The following NEK7 variants were observed in gnomAD, a reference collection of about 807,000 sequenced individuals.
NEK7 encodes serine/threonine-protein kinase Nek7.
NEK7 carries 18 observed loss-of-function variants against 44.6 expected under a neutral mutation model. The observed-to-expected ratio is 0.40, with a 90% confidence interval of 0.28 to 0.60. The LOEUF is 0.60. Ranked by LOEUF, NEK7 falls within the 20% of genes least tolerant of loss-of-function variation. NEK7 has a pLI of 0.38. For synonymous variants in NEK7, 130 were observed against 121.1 expected (o/e 1.07, Z -0.48); for missense variants, 256 against 366.5 (o/e 0.70, Z 2.46).
intron 5 of NEK7, among the ~76,000 whole-genome samples, chr1:198,273,075 TA>T (rs2102970564): frequency 6.6e-6 from 1 of 151,960 alleles, no homozygotes; most frequent in African/African-American, 2.4e-5. Context: ...ATTATATTTA[TA>T]TTCTATTATA....
intron 7 of NEK7, among the ~76,000 whole-genome samples, chr1:198,282,810 T>A (rs888039951): frequency 1.3e-5 from 2 of 152,106 alleles, no homozygotes; most frequent in African/African-American, 4.8e-5. Flanking sequence ...TCATACCTGT[T>A]ATATGCAGGT....
At chr1:198,227,145 T>C (rs546241904) in intron 1 of NEK7, among the ~76,000 whole-genome samples, 1 of 152,286 alleles carries the variant, frequency 6.6e-6, no homozygotes, top group Admixed American at 6.5e-5. Context: ...TGCGATAGTT[T>C]GCTGAGAATG....
chr1:198,305,027 C>G (rs552891986), intron 9 of NEK7, among the ~76,000 whole-genome samples: 2 of 151,986 alleles, frequency 1.3e-5, no homozygotes, highest in Non-Finnish European at 2.9e-5. Context: ...TTTATAAAAG[C>G]AACAAAGTAG....
At chr1:198,235,374 C>T (rs1165485452) in intron 2 of NEK7, among the ~76,000 whole-genome samples, 2 of 152,110 alleles carry the variant, frequency 1.3e-5, no homozygotes, top group African/African-American at 2.4e-5. Flanking sequence ...CCTTCCCACC[C>T]TCCCTTCTTT....
At chr1:198,295,643 C>A (rs1654693054) in intron 8 of NEK7, among the ~76,000 whole-genome samples, 1 of 149,928 alleles carries the variant, frequency 6.7e-6, no homozygotes, top group Admixed American at 6.6e-5. Context: ...TTTTAACACT[C>A]TGCAGTACTG....
intron 9 of NEK7, among the ~76,000 whole-genome samples, chr1:198,311,427 A>C (rs1264653307): frequency 1.3e-5 from 2 of 151,620 alleles, no homozygotes; most frequent in Non-Finnish European, 2.9e-5. Context: ...AATACCCTTT[A>C]TTTCCTTCTC....
chr1:198,248,073 G>C (rs1236234269), intron 2 of NEK7, among the ~76,000 whole-genome samples: 2 of 152,088 alleles, frequency 1.3e-5, no homozygotes, highest in Admixed American at 6.6e-5. Flanking sequence ...GAGTACAGAG[G>C]GGGTGTGAGG....
At chr1:198,233,912 A>G (rs1267993060) in intron 2 of NEK7, among the ~76,000 whole-genome samples, 1 of 151,982 alleles carries the variant, frequency 6.6e-6, no homozygotes, top group Non-Finnish European at 1.5e-5. Flanking sequence ...CCATCCTTTA[A>G]GGACCAACAA....
At position 198,170,652 on chromosome 1, in the gene NEK7, G is replaced by C. The variant is rs544563709; in HGVS notation, c.-29+13376G>C. 3.3e-5 allele frequency among the ~76,000 whole-genome samples: 5 copies of C among 152,288 alleles called. No individual in the cohort carries two copies. In the South Asian group the frequency reaches 1.0e-3, roughly 32 times the overall value. On this transcript the variant is annotated intron_variant, in intron 1 of 9. Coordinates refer to ENST00000367385, the MANE Select transcript of NEK7 (RefSeq NM_133494.3). ...ACTGAGTTAAATAAGGAAATAACTG[G>C]ACGAATACTTGAGATTATTCCCTTC...
At chr1:198,273,627 C>A (rs1043396272) in intron 5 of NEK7, among the ~76,000 whole-genome samples, 1 of 151,602 alleles carries the variant, frequency 6.6e-6, no homozygotes, top group African/African-American at 2.4e-5. Flanking sequence ...AATGTTTGAC[C>A]TAATTACAAA....
At chr1:198,199,311 C>G (rs140554880) in intron 1 of NEK7, among the ~76,000 whole-genome samples, 1 of 152,074 alleles carries the variant, frequency 6.6e-6, no homozygotes, top group Non-Finnish European at 1.5e-5. Context: ...TCACCTTGAC[C>G]AGTCATTGGA....
intron 9 of NEK7, among the ~76,000 whole-genome samples, chr1:198,318,907 G>T (rs1313970103): frequency 1.3e-5 from 2 of 151,930 alleles, no homozygotes; most frequent in African/African-American, 2.4e-5. Context: ...TTAGTTTAAA[G>T]GAGTGTTTTT....
intron 1 of NEK7, among the ~76,000 whole-genome samples, chr1:198,195,772 C>G (rs1295860386): frequency 6.6e-6 from 1 of 152,192 alleles, no homozygotes; most frequent in Non-Finnish European, 1.5e-5. Flanking sequence ...TTGCAGTGAG[C>G]TGAGATTGCG....
At chr1:198,224,846 A>G (rs1044815134) in intron 1 of NEK7, among the ~76,000 whole-genome samples, 3 of 152,148 alleles carry the variant, frequency 2.0e-5, no homozygotes, top group East Asian at 1.9e-4. Context: ...AACTGGGTCA[A>G]TTAAGTAGAT....
At chr1:198,256,853 T>A (rs1237399368) in intron 3 of NEK7, among the ~76,000 whole-genome samples, 1 of 152,190 alleles carries the variant, frequency 6.6e-6, no homozygotes, top group East Asian at 1.9e-4. Context: ...GTTGGAAGAT[T>A]ATCAAAAACT....
At position 198,252,493 on chromosome 1, in the gene NEK7, A is replaced by G. The variant is rs552416894; in HGVS notation, c.58-547A>G. 4.5e-5 allele frequency among the ~76,000 whole-genome samples: 6 copies of G among 134,132 alleles called. No homozygotes were observed. In the South Asian group the frequency reaches 1.4e-3, roughly 30 times the overall value. The allele number at this position is 134,132 out of a possible 152,430, so 88.0% of individuals were successfully genotyped here. A position where few individuals can be genotyped will look rare whatever the true frequency, so the allele number is the denominator to read the frequency against. On this transcript the variant is annotated intron_variant, in intron 2 of 9. Coordinates refer to ENST00000367385, the MANE Select transcript of NEK7 (RefSeq NM_133494.3). ...CCCTATGTTGTATCCTTCTTCCTTA[A>G]TTAACTTCCTTTTTAGGCTTTCCTA... is the stretch of plus-strand genomic sequence containing the variant.
intron 1 of NEK7, among the ~76,000 whole-genome samples, chr1:198,195,124 G>A (rs1174427220): frequency 2.0e-5 from 3 of 152,050 alleles, no homozygotes; most frequent in Admixed American, 6.5e-5. Context: ...TTTGGGGAAG[G>A]TTTAGTGGGA....
At chr1:198,166,015 A>G (rs902506462) in intron 1 of NEK7, among the ~76,000 whole-genome samples, 4 of 152,136 alleles carry the variant, frequency 2.6e-5, no homozygotes, top group Admixed American at 1.3e-4. Context: ...TGTTAACTCC[A>G]TTTTTTCTTC....
chr1:198,317,162 A>G (rs573855549), intron 9 of NEK7, among the ~76,000 whole-genome samples: 60 of 152,346 alleles, frequency 3.9e-4, no homozygotes, highest in African/African-American at 1.4e-3. Flanking sequence ...CTGATTTTAT[A>G]TGGTGATAGC....
Sources: allele counts gnomAD v4.1 joint callset (sites outside exome capture counted in the v4.1 genomes callset), GRCh38; gene constraint gnomAD v4.1.1; transcripts MANE v1.5; gene names NCBI Gene and HGNC (gene_info 2026-07-23, HGNC 2026-07-21).